Variants in E2F3 observed in about 807,000 individuals in gnomAD.
The protein encoded by E2F3 is transcription factor E2F3.
E2F3 carries 11 observed loss-of-function variants against 44.4 expected under a neutral mutation model. That is an observed-to-expected ratio of 0.25 (90% CI 0.16 to 0.41). E2F3 has a LOEUF of 0.41. Among genes scored for constraint, E2F3 ranks in the 10% least tolerant of loss-of-function variants. E2F3 has a pLI of 1.00. For missense variants in E2F3, 487 were observed against 583.6 expected (o/e 0.83, Z 1.70); for synonymous variants, 249 against 253.0 (o/e 0.98, Z 0.15).
intron 1 of E2F3, among the ~76,000 whole-genome samples, chr6:20,419,945 G>A (rs1485223137): frequency 2.6e-5 from 4 of 152,100 alleles, no homozygotes; most frequent in South Asian, 2.1e-4. Context: ...GGCTCTCTGC[G>A]ACCTCTGCTT....
At chr6:20,480,909 A>G (rs149502708) in intron 2 of E2F3, among the ~76,000 whole-genome samples, 1 of 152,328 alleles carries the variant, frequency 6.6e-6, no homozygotes, top group East Asian at 1.9e-4. Flanking sequence ...AGCGCCCGCT[A>G]TATGTAAATT....
At chr6:20,435,294 T>A (rs529301179) in intron 1 of E2F3, among the ~76,000 whole-genome samples, 1 of 151,960 alleles carries the variant, frequency 6.6e-6, no homozygotes, top group Non-Finnish European at 1.5e-5. Context: ...CCCCAAGTCA[T>A]GTAAAAAATT....
chr6:20,466,561 T>C (rs1041146345), intron 1 of E2F3, among the ~76,000 whole-genome samples: 1 of 152,182 alleles, frequency 6.6e-6, no homozygotes, highest in Non-Finnish European at 1.5e-5. Context: ...TTTTGGGTTT[T>C]TTCTTGCTAA....
rs1306537806 is a variant in E2F3, at chr6:20,402,762, C to T, written c.393+137C>T. The T allele has an allele frequency of 8.0e-7, 1 of 1,245,226 alleles. No individual in the cohort carries two copies. The highest frequency in any genetic ancestry group is 4.3e-5 in the Admixed American group (1 of 23,288). 77.1% of individuals were successfully genotyped at this position (1,245,226 alleles called of 1,614,324 possible). ...TGGGCCTCGGGGGCTGCCCCTCCAA[C>T]GAGGGTTCATTGTTAGACCTGAGTG... On this transcript the variant is annotated intron_variant, in intron 1 of 6. Coordinates refer to ENST00000346618, the MANE Select transcript of E2F3 (RefSeq NM_001949.5). The surrounding 1 kb of genome is among the most constrained non-coding windows in gnomAD (Gnocchi z 5.6).
chr6:20,463,025 A>G (rs192281337), intron 1 of E2F3, among the ~76,000 whole-genome samples: 9 of 151,454 alleles, frequency 5.9e-5, no homozygotes, highest in East Asian at 3.9e-4. Flanking sequence ...CCTAGGCTCA[A>G]GTGATCCTCC....
rs1761195788 is a variant in E2F3 at position 20,453,330 on chromosome 6, A to G, written c.394-26516A>G. ...TATTTTCTTGCAGAATTTCTATGCT[A>G]TTACTTTTTTTACATTTAAATATTT... On this transcript the variant is annotated intron_variant, in intron 1 of 6. Transcript: ENST00000346618. Among the ~76,000 whole-genome samples, 5 of 152,178 alleles carry G rather than the reference A, an allele frequency of 3.3e-5. No homozygotes were observed. The South Asian group carries it at 1.0e-3, about 32-fold the overall frequency.
At chr6:20,456,472 A>G (rs1382384916) in intron 1 of E2F3, among the ~76,000 whole-genome samples, 2 of 152,240 alleles carry the variant, frequency 1.3e-5, no homozygotes, top group African/African-American at 4.8e-5. Flanking sequence ...ATTCTCCTAA[A>G]TTGGAATGTG....
intron 1 of E2F3, among the ~76,000 whole-genome samples, chr6:20,426,600 T>C (rs1026335461): frequency 5.9e-5 from 9 of 152,340 alleles, no homozygotes; most frequent in African/African-American, 2.2e-4. Flanking sequence ...CTCCACCTAG[T>C]GTCATTGTGG....
chr6:20,452,656 A>G (rs1439667968), intron 1 of E2F3, among the ~76,000 whole-genome samples: 1 of 152,192 alleles, frequency 6.6e-6, no homozygotes. Context: ...AGATGTTTAA[A>G]GGCCATTTGT....
At position 20,402,157 on chromosome 6, in the gene E2F3, C is replaced by A; in HGVS notation, c.-76C>A. ...GAGAGAAGGAGGAGAGACTTGGAAA[C>A]TCCGACTGCAAATAATAAAGAAATT... On this transcript the variant is annotated 5_prime_UTR_variant, in exon 1 of 7. Coordinates refer to ENST00000346618, the MANE Select transcript of E2F3 (RefSeq NM_001949.5). This position sits in a 1 kb window ranked among gnomAD's most constrained non-coding sequence, Gnocchi z 5.6. 6.8e-7 allele frequency: 1 copy of A among 1,473,012 alleles called. No individual in the cohort carries two copies. The highest frequency in any genetic ancestry group is 2.8e-5 in the Admixed American group (1 of 36,006). The allele number at this position is 1,473,012 out of a possible 1,614,324, so 91.2% of individuals were successfully genotyped here. A position where few individuals can be genotyped will look rare whatever the true frequency, so the allele number is the denominator to read the frequency against.
Position 20,493,204 on chromosome 6 carries a change from G to A in E2F3, c.*2774G>A, listed in dbSNP as rs1762600024. The A allele has an allele frequency of 4.4e-6, 1 of 226,518 alleles. No homozygotes were observed. The highest frequency in any genetic ancestry group is 2.2e-5 in the African/African-American group (1 of 44,940). 14.0% of individuals were successfully genotyped at this position (226,518 alleles called of 1,614,324 possible). ...AGCTGCTTTGTAATTTTTTAAGAGT[G>A]TTATTTTGTTTTTGTTTTTCTGTTC... On this transcript the variant is annotated 3_prime_UTR_variant, in exon 7 of 7. Coordinates refer to ENST00000346618, the MANE Select transcript of E2F3 (RefSeq NM_001949.5).
chr6:20,467,921 G>A (rs1157963733), intron 1 of E2F3, among the ~76,000 whole-genome samples: 3 of 150,182 alleles, frequency 2.0e-5, no homozygotes, highest in African/African-American at 7.5e-5. Context: ...GACCACATGG[G>A]CACCCAGGAA....
chr6:20,429,048 A>G (rs1014006148), intron 1 of E2F3, among the ~76,000 whole-genome samples: 5 of 152,170 alleles, frequency 3.3e-5, no homozygotes, highest in Non-Finnish European at 5.9e-5. Flanking sequence ...GGGAGATGCT[A>G]TTGGCATCTA....
chr6:20,480,378 C>T (rs565500372), intron 2 of E2F3, among the ~76,000 whole-genome samples: 2 of 152,276 alleles, frequency 1.3e-5, no homozygotes, highest in African/African-American at 4.8e-5. Context: ...TGATTGAGCC[C>T]GATAAATTGC....
rs78026584 is a variant in E2F3, at chr6:20,417,368, C to T, written c.393+14743C>T. Among the ~76,000 whole-genome samples the T allele has an allele frequency of 1.5e-3, 224 of 152,236 alleles. 1 individual carries two copies. Among genetic ancestry groups the T allele is most frequent in the African/African-American group, 5.0e-3 (206 of 41,538 alleles). ...CAATAAAGGCATTAAATAGACACCA[C>T]GGTTCTTTGTGTGAAAAGCTTTGGA... On this transcript the variant is annotated intron_variant, in intron 1 of 6. Transcript: ENST00000346618.
chr6:20,421,476 T>TGGTAC (rs1760025424), intron 1 of E2F3: 1 of 152,228 alleles, frequency 6.6e-6, no homozygotes, highest in African/African-American at 2.4e-5. Context: ...ATGAAAACAT[T>TGGTAC]AATCTCCTTG....
At chr6:20,429,652 G>T (rs1418693354) in intron 1 of E2F3, among the ~76,000 whole-genome samples, 1 of 151,880 alleles carries the variant, frequency 6.6e-6, no homozygotes, top group Non-Finnish European at 1.5e-5. Context: ...TTTCTGTTCT[G>T]CATAGTTTGA....
chr6:20,417,800 A>T (rs985441043), intron 1 of E2F3, among the ~76,000 whole-genome samples: 1 of 152,078 alleles, frequency 6.6e-6, no homozygotes, highest in African/African-American at 2.4e-5. Flanking sequence ...TTGAAAATGC[A>T]TATGAAAGAT....
At chr6:20,489,570 G>A (rs1352596308) in intron 6 of E2F3, among the ~76,000 whole-genome samples, 1 of 152,166 alleles carries the variant, frequency 6.6e-6, no homozygotes, top group Non-Finnish European at 1.5e-5. Flanking sequence ...TTAAAACAAT[G>A]ACTAGATAGC....
Sources: gnomAD v4.1 joint callset for allele counts (sites outside exome capture counted in the v4.1 genomes callset) on GRCh38, gnomAD v4.1.1 for gene constraint, Gnocchi (gnomAD v3.1) non-coding constraint, MANE v1.5 for transcripts, NCBI Gene and HGNC (gene_info 2026-07-23, HGNC 2026-07-21) for gene names.